Variants in TRAPPC8 observed in about 807,000 individuals in gnomAD.
TRAPPC8 encodes trafficking protein particle complex subunit 8.
A neutral mutation model predicts 174.3 loss-of-function variants in TRAPPC8; 54 were observed. The observed-to-expected ratio is 0.31, with a 90% CI of 0.25 to 0.39. The LOEUF is 0.39. Ranked by LOEUF, TRAPPC8 falls within the 10% of genes least tolerant of loss-of-function variation. The probability of loss-of-function intolerance (pLI) is 1.00; values close to 1 mark genes in which losing one functional copy is unlikely to be tolerated. For missense variants in TRAPPC8, 1,531 were observed against 1,699.1 expected, an observed-to-expected ratio of 0.90 and a Z score of 1.74; for synonymous variants, 630 against 579.9, an observed-to-expected ratio of 1.09 and a Z score of -1.24.
intron 2 of TRAPPC8, among the ~76,000 whole-genome samples, chr18:31,924,738 CAAAAAAAAAA>C (rs398032376): frequency 1.1e-5 from 1 of 91,890 alleles, no homozygotes; most frequent in African/African-American, 4.3e-5. Context: ...AACTCCGTCT[CAAAAAAAAAA>C]AAAAAAAAAA....
chr18:31,936,672 C>A (rs377395303), intron 1 of TRAPPC8, among the ~76,000 whole-genome samples: 159 of 151,856 alleles, frequency 1.0e-3, no homozygotes, highest in African/African-American at 3.7e-3. Flanking sequence ...AGGCCGAAGG[C>A]GGGTGGATCA....
At position 31,870,480 on chromosome 18, in the gene TRAPPC8, A is replaced by T. The variant is rs1241893256; in HGVS notation, c.2280T>A (p.Ala760=). 1 of 1,612,394 alleles carries T rather than the reference A, an allele frequency of 6.2e-7. No homozygotes were observed. Among genetic ancestry groups the T allele is most frequent in the South Asian group, 1.1e-5 (1 of 90,662 alleles). ...VVEEPITVEV[A]FRNPLKVLLL... is the part of the protein sequence containing the mutation. ...GTAGAACTTTCAAAGGGTTTCTAAA[A>T]GCCACTTCCACTGTAATTGGTTCTA... is the stretch of plus-strand genomic sequence containing the variant. The change falls in exon 16 of 29, where the codon GCT becomes GCA. Residue 760 remains alanine, a synonymous_variant. Transcript: ENST00000283351.
intron 11 of TRAPPC8, among the ~76,000 whole-genome samples, chr18:31,895,576 G>C (rs2036149644): frequency 6.6e-6 from 1 of 152,168 alleles, no homozygotes; most frequent in African/African-American, 2.4e-5. Context: ...ATGCAGACAG[G>C]AGAACTTGCT....
chr18:31,858,112 T>C (rs899336602), intron 19 of TRAPPC8, 130 bp from the exon 20 acceptor site: 9 of 726,756 alleles, frequency 1.2e-5, no homozygotes, highest in African/African-American at 1.8e-5. Flanking sequence ...CTTTGGTATC[T>C]CCCTGAATAT....
intron 24 of TRAPPC8, 140 bp from the exon 25 acceptor site, chr18:31,849,879 C>T (rs557334123): frequency 5.6e-4 from 379 of 679,938 alleles, no homozygotes; most frequent in Non-Finnish European, 7.5e-4. Flanking sequence ...AATACTTATT[C>T]AATAATTCTT....
chr18:31,917,449 A>C, intron 3 of TRAPPC8, 129 bp downstream of exon 3: 1 of 773,650 alleles, frequency 1.3e-6, no homozygotes, highest in Non-Finnish European at 2.1e-6. Context: ...GACTCCGTGT[A>C]TTGTCAATCT....
chr18:31,881,162 C>A (rs1419928988), intron 12 of TRAPPC8, among the ~76,000 whole-genome samples: 1 of 151,914 alleles, frequency 6.6e-6, no homozygotes, highest in Non-Finnish European at 1.5e-5. Flanking sequence ...TCATATGGAA[C>A]CAAAAAAGAG....
intron 26 of TRAPPC8, among the ~76,000 whole-genome samples, chr18:31,845,887 T>G: frequency 6.6e-6 from 1 of 152,198 alleles, no homozygotes; most frequent in Non-Finnish European, 1.5e-5. Flanking sequence ...TGTGCTTATA[T>G]TCTATTCATA....
At chr18:31,898,352 A>T (rs2036270727) in intron 10 of TRAPPC8, among the ~76,000 whole-genome samples, 1 of 152,192 alleles carries the variant, frequency 6.6e-6, no homozygotes, top group Non-Finnish European at 1.5e-5. Context: ...CCTACCAAAA[A>T]GGTTTTTTAA....
intron 5 of TRAPPC8, among the ~76,000 whole-genome samples, chr18:31,911,921 C>T (rs1188613905): frequency 6.7e-6 from 1 of 150,014 alleles, no homozygotes; most frequent in African/African-American, 2.5e-5. Context: ...CAGTGACTCT[C>T]GATTATCTGA....
chr18:31,908,235 G>C (rs901732063), intron 8 of TRAPPC8, 68 bp downstream of exon 8: 2 of 857,862 alleles, frequency 2.3e-6, no homozygotes, highest in Non-Finnish European at 3.4e-6. Context: ...TCTTCTGCAG[G>C]ATATACAATC....
intron 1 of TRAPPC8, among the ~76,000 whole-genome samples, chr18:31,940,697 C>A (rs1288357483): frequency 6.6e-6 from 1 of 151,932 alleles, no homozygotes; most frequent in South Asian, 2.1e-4. Context: ...CGGGGTTTCA[C>A]CATGTTGGCC....
At chr18:31,898,204 T>TTTTTTTA (rs1157495007) in intron 10 of TRAPPC8, among the ~76,000 whole-genome samples, 3 of 152,310 alleles carry the variant, frequency 2.0e-5, no homozygotes, top group African/African-American at 7.2e-5. Flanking sequence ...TTTTAAATTT[T>TTTTTTTA]TGTATTGTTA....
At chr18:31,867,801 C>T (rs1176179794) in intron 16 of TRAPPC8, among the ~76,000 whole-genome samples, 2 of 152,060 alleles carry the variant, frequency 1.3e-5, no homozygotes, top group Non-Finnish European at 2.9e-5. Context: ...ACCGCTTGAA[C>T]CCGGGAGGTG....
intron 19 of TRAPPC8, among the ~76,000 whole-genome samples, chr18:31,861,951 G>T: frequency 7.8e-6 from 1 of 128,290 alleles, no homozygotes; most frequent in South Asian, 2.8e-4. Flanking sequence ...GGGGGGGGCG[G>T]TGGGGGAGGA....
At chr18:31,886,960 GAC>G (rs144077903) in intron 12 of TRAPPC8, among the ~76,000 whole-genome samples, 14 of 150,342 alleles carry the variant, frequency 9.3e-5, no homozygotes, top group East Asian at 1.9e-4. Flanking sequence ...CAGCCTGGGT[GAC>G]ACACACACAC....
rs925939934 is a variant in TRAPPC8 at position 31,905,795 on chromosome 18, T to A, written c.1389+1665A>T. 5.3e-5 allele frequency among the ~76,000 whole-genome samples: 8 copies of A among 152,324 alleles called. No homozygotes were observed. In the South Asian group the frequency reaches 1.7e-3, roughly 32 times the overall value. ...TATGCCTTTATTTTCCAGTGCTATATTATTTTCTCTCAAATAGCTACTAAT... is the reference window on the plus strand; with the variant it reads ...TATGCCTTTATTTTCCAGTGCTATAATATTTTCTCTCAAATAGCTACTAAT... On this transcript the variant is annotated intron_variant, in intron 9 of 28. Transcript: ENST00000283351.
intron 16 of TRAPPC8, among the ~76,000 whole-genome samples, chr18:31,868,136 C>T (rs1453563216): frequency 6.6e-6 from 1 of 152,088 alleles, no homozygotes; most frequent in Non-Finnish European, 1.5e-5. Context: ...AGGCCTGTTT[C>T]CCCCAAAGCA....
chr18:31,910,279 C>CA (rs1373003783), intron 5 of TRAPPC8, among the ~76,000 whole-genome samples: 3 of 151,702 alleles, frequency 2.0e-5, no homozygotes, highest in African/African-American at 7.3e-5. Flanking sequence ...TCTCAGTTAA[C>CA]AAAAAAACAC....
Sources: allele counts gnomAD v4.1 joint callset (sites outside exome capture counted in the v4.1 genomes callset), GRCh38; gene constraint gnomAD v4.1.1; transcripts MANE v1.5; gene names NCBI Gene and HGNC (gene_info 2026-07-23, HGNC 2026-07-21).